Variants in MGAT4C observed in about 807,000 individuals in gnomAD.
MGAT4C encodes alpha-1,3-mannosyl-glycoprotein 4-beta-N-acetylglucosaminyltransferase C.
In MGAT4C, 19 loss-of-function variants were observed where a neutral mutation model predicts 40.1. The ratio of observed to expected loss-of-function variants is 0.47; its 90% confidence interval spans 0.33 to 0.70. The LOEUF is 0.70. Among genes scored for constraint, MGAT4C ranks in the 30% least tolerant of loss-of-function variants. MGAT4C has a pLI of 0.02. For synonymous variants in MGAT4C, 181 were observed against 187.1 expected (o/e 0.97, Z 0.27); for missense variants, 491 against 563.2 (o/e 0.87, Z 1.30).
chr12:86,591,428 T>C (rs562891853), intron 2 of MGAT4C, among the ~76,000 whole-genome samples: 1 of 152,130 alleles, frequency 6.6e-6, no homozygotes, highest in Non-Finnish European at 1.5e-5. Context: ...CTCTGCCATA[T>C]TGAATAAAAT....
intron 4 of MGAT4C, among the ~76,000 whole-genome samples, chr12:85,981,445 C>A (rs751593139): frequency 1.3e-5 from 2 of 152,012 alleles, no homozygotes; most frequent in Non-Finnish European, 2.9e-5. Context: ...GAAAAAAGCC[C>A]CATTCCAAAA....
chr12:86,717,328 A>G (rs1425276745), intron 2 of MGAT4C, among the ~76,000 whole-genome samples: 1 of 152,110 alleles, frequency 6.6e-6, no homozygotes. Flanking sequence ...ATAATTTAAA[A>G]CATTGATACT....
At chr12:86,229,306 G>A (rs1951222168) in intron 1 of MGAT4C, among the ~76,000 whole-genome samples, 1 of 151,660 alleles carries the variant, frequency 6.6e-6, no homozygotes, top group South Asian at 2.1e-4. Context: ...ACAATAAATA[G>A]CATATTTCAA....
At chr12:86,835,307 A>G (rs549050897) in intron 1 of MGAT4C, among the ~76,000 whole-genome samples, 1 of 152,132 alleles carries the variant, frequency 6.6e-6, no homozygotes, top group East Asian at 1.9e-4. Context: ...TAAGGTCAAC[A>G]TCTGGCTGAA....
At chr12:86,511,780 A>G (rs1725429648) in intron 2 of MGAT4C, among the ~76,000 whole-genome samples, 1 of 152,164 alleles carries the variant, frequency 6.6e-6, no homozygotes, top group African/African-American at 2.4e-5. Context: ...AAGGCTTAAA[A>G]TAACAAAATC....
At chr12:86,139,449 C>CT (rs1188673080) in intron 1 of MGAT4C, among the ~76,000 whole-genome samples, 3 of 151,862 alleles carry the variant, frequency 2.0e-5, no homozygotes, top group Non-Finnish European at 4.4e-5. Context: ...TCTATGACAA[C>CT]TTTTTTCACT....
chr12:86,284,521 C>T (rs1953300509), intron 4 of MGAT4C, among the ~76,000 whole-genome samples: 1 of 151,892 alleles, frequency 6.6e-6, no homozygotes, highest in Non-Finnish European at 1.5e-5. Flanking sequence ...TCATATATCC[C>T]TGGTGAAAAT....
At chr12:86,340,580 G>A (rs1954886492) in intron 3 of MGAT4C, among the ~76,000 whole-genome samples, 1 of 152,026 alleles carries the variant, frequency 6.6e-6, no homozygotes, top group Non-Finnish European at 1.5e-5. Context: ...TAAAGCAAAA[G>A]TTGACTCACT....
At chr12:86,184,656 T>C (rs1888528957) in intron 1 of MGAT4C, among the ~76,000 whole-genome samples, 1 of 150,704 alleles carries the variant, frequency 6.6e-6, no homozygotes, top group African/African-American at 2.4e-5. Flanking sequence ...CCATTCTCCT[T>C]TCCTTTCTCT....
chr12:86,652,702 C>T (rs897379952), intron 2 of MGAT4C, among the ~76,000 whole-genome samples: 1 of 151,828 alleles, frequency 6.6e-6, no homozygotes, highest in African/African-American at 2.4e-5. Flanking sequence ...TGAAATACCA[C>T]GCCTAAGTAG....
In MGAT4C at chr12:86,638,270, G is replaced by C. The variant is rs573937641; in HGVS notation, c.-229+88939C>G. Among the ~76,000 whole-genome samples the C allele has an allele frequency of 2.8e-4, 42 of 151,882 alleles. 2 individuals carry two copies. In the South Asian group the frequency reaches 8.3e-3, roughly 30 times the overall value. Reference sequence around the variant, plus strand: ...CCAGTTCAATTTAATTGCTTTTGAGGAGCTTTGTTGAGCAGGCACTTTCCT... The same window carrying C: ...CCAGTTCAATTTAATTGCTTTTGAGCAGCTTTGTTGAGCAGGCACTTTCCT... On this transcript the variant is annotated intron_variant, in intron 2 of 7. Transcript: ENST00000548651.
chr12:86,283,362 AT>A (rs1408335761), intron 4 of MGAT4C, among the ~76,000 whole-genome samples: 1 of 152,014 alleles, frequency 6.6e-6, no homozygotes, highest in African/African-American at 2.4e-5. Flanking sequence ...TGTCATGGAC[AT>A]AAGTGGAAAT....
intron 2 of MGAT4C, among the ~76,000 whole-genome samples, chr12:86,038,350 C>G (rs1204790510): frequency 6.7e-6 from 1 of 149,370 alleles, no homozygotes; most frequent in Admixed American, 6.7e-5. Context: ...CAGCTTTTTT[C>G]CCAACATTTA....
At chr12:86,394,510 ATATT>A (rs917235660) in intron 3 of MGAT4C, among the ~76,000 whole-genome samples, 1 of 143,544 alleles carries the variant, frequency 7.0e-6, no homozygotes, top group African/African-American at 2.5e-5. Context: ...TATTTTTTAA[ATATT>A]TATATATTTA....
At chr12:86,300,244 G>A (rs1335340581) in intron 4 of MGAT4C, among the ~76,000 whole-genome samples, 1 of 152,048 alleles carries the variant, frequency 6.6e-6, no homozygotes, top group Non-Finnish European at 1.5e-5. Flanking sequence ...ACACTGTGAT[G>A]CAGGTCATCA....
At chr12:86,041,323 G>C (rs1409411438) in intron 2 of MGAT4C, among the ~76,000 whole-genome samples, 5 of 151,884 alleles carry the variant, frequency 3.3e-5, no homozygotes, top group Admixed American at 6.6e-5. Flanking sequence ...AGTTCCTTCA[G>C]TTCTGATTTT....
chr12:86,485,033 C>A (rs1450941541), intron 2 of MGAT4C, among the ~76,000 whole-genome samples: 1 of 152,136 alleles, frequency 6.6e-6, no homozygotes, highest in African/African-American at 2.4e-5. Flanking sequence ...ACACCCAGGG[C>A]AAGAATCCAG....
intron 4 of MGAT4C, among the ~76,000 whole-genome samples, chr12:86,285,684 T>C (rs1049305093): frequency 1.4e-3 from 52 of 36,252 alleles, no homozygotes; most frequent in African/African-American, 4.8e-3. Context: ...CTCAAAAATA[T>C]AAATATACCC....
chr12:86,232,066 C>T (rs1377050413), intron 1 of MGAT4C, among the ~76,000 whole-genome samples: 9 of 148,364 alleles, frequency 6.1e-5, no homozygotes, highest in African/African-American at 1.7e-4. Flanking sequence ...CACTTGAACC[C>T]GGGAGGCCGA....
Sources: allele counts gnomAD v4.1 joint callset (sites outside exome capture counted in the v4.1 genomes callset), GRCh38; gene constraint gnomAD v4.1.1; transcripts MANE v1.5; gene names NCBI Gene and HGNC (gene_info 2026-07-23, HGNC 2026-07-21).